Variants in GNAQ observed in about 807,000 individuals in gnomAD.
GNAQ encodes the protein G protein subunit alpha q.
A neutral mutation model predicts 43.9 loss-of-function variants in GNAQ; 8 were observed. The observed-to-expected ratio is 0.18, with a 90% CI of 0.11 to 0.33. The LOEUF (loss-of-function observed/expected upper bound fraction) is 0.33. GNAQ is among the 10% of genes least tolerant of loss of function. GNAQ has a pLI of 1.00. For synonymous variants in GNAQ, 155 were observed against 170.7 expected (o/e 0.91, Z 0.71); for missense variants, 158 against 450.8 (o/e 0.35, Z 5.88).
At chr9:77,804,697 T>C (rs959613766) in intron 3 of GNAQ, among the ~76,000 whole-genome samples, 1 of 152,026 alleles carries the variant, frequency 6.6e-6, no homozygotes, top group Non-Finnish European at 1.5e-5. Context: ...ACACGGGGTG[T>C]GTGTTGGAGG....
At chr9:77,788,205 G>C (rs1244670421) in intron 5 of GNAQ, among the ~76,000 whole-genome samples, 1 of 152,144 alleles carries the variant, frequency 6.6e-6, no homozygotes, top group Non-Finnish European at 1.5e-5. Flanking sequence ...TTAGGGGTTG[G>C]GGTGAGAGGG....
intron 1 of GNAQ, among the ~76,000 whole-genome samples, chr9:78,018,744 T>C (rs1481303786): frequency 6.6e-6 from 1 of 152,128 alleles, no homozygotes; most frequent in Non-Finnish European, 1.5e-5. Context: ...TCTTATTTCA[T>C]TCCAAAAAGA....
chr9:77,890,814 C>T (rs1828393529), intron 2 of GNAQ, among the ~76,000 whole-genome samples: 1 of 152,098 alleles, frequency 6.6e-6, no homozygotes, highest in South Asian at 2.1e-4. Context: ...AATCATTTGC[C>T]CAGAGACTCG....
Position 77,809,618 on chromosome 9 carries a change from A to G in GNAQ, c.476+5998T>C, listed in dbSNP as rs79367735. On this transcript the variant is annotated intron_variant, in intron 3 of 6. Transcript: ENST00000286548. ...ATCTTAGAATGCTTTTTATTCTTTC[A>G]TTAAATAGAATTGGAAGAATTCACC... 5.4e-4 allele frequency among the ~76,000 whole-genome samples: 82 copies of G among 152,326 alleles called. No individual in the cohort carries two copies. The East Asian group carries it at 0.015, about 28-fold the overall frequency.
chr9:77,764,413 C>G (rs944834866), intron 5 of GNAQ, among the ~76,000 whole-genome samples: 1 of 151,924 alleles, frequency 6.6e-6, no homozygotes, highest in African/African-American at 2.4e-5. Context: ...GTGGATAAAG[C>G]TATACTAAGC....
intron 5 of GNAQ, among the ~76,000 whole-genome samples, chr9:77,765,018 G>C (rs1010008581): frequency 2.0e-5 from 3 of 152,044 alleles, no homozygotes; most frequent in Admixed American, 2.0e-4. Context: ...AAATCCTGTC[G>C]GGATAACCTG....
intron 2 of GNAQ, among the ~76,000 whole-genome samples, chr9:77,913,543 G>C (rs1339315702): frequency 6.6e-6 from 1 of 152,158 alleles, no homozygotes; most frequent in Non-Finnish European, 1.5e-5. Context: ...AGAAAGTTCT[G>C]TGAGGCACTG....
intron 2 of GNAQ, among the ~76,000 whole-genome samples, chr9:77,833,228 A>G (rs1827330025): frequency 6.6e-6 from 1 of 152,316 alleles, no homozygotes; most frequent in East Asian, 1.9e-4. Flanking sequence ...TCAGCCTCCC[A>G]AAGTGCTGGG....
chr9:77,856,171 T>C (rs963292249), intron 2 of GNAQ, among the ~76,000 whole-genome samples: 5 of 152,120 alleles, frequency 3.3e-5, no homozygotes, highest in African/African-American at 4.8e-5. Context: ...CTGATGGGGG[T>C]ACAGGCTGAT....
At chr9:77,910,102 T>C (rs751218484) in intron 2 of GNAQ, among the ~76,000 whole-genome samples, 40 of 152,176 alleles carry the variant, frequency 2.6e-4, no homozygotes, top group South Asian at 6.2e-4. Context: ...AGCAACAAGT[T>C]TTTAGGTTTT....
chr9:77,763,920 T>C (rs2118349012), intron 5 of GNAQ, among the ~76,000 whole-genome samples: 1 of 152,328 alleles, frequency 6.6e-6, no homozygotes, highest in African/African-American at 2.4e-5. Flanking sequence ...CGGCAATACA[T>C]GGCTACAAAA....
intron 2 of GNAQ, among the ~76,000 whole-genome samples, chr9:77,917,423 CCTG>C (rs1828927735): frequency 6.6e-6 from 1 of 151,944 alleles, no homozygotes; most frequent in African/African-American, 2.4e-5. Flanking sequence ...AGGCTTAGTA[CCTG>C]AGTGACAAAA....
At chr9:77,865,778 G>C (rs1202996566) in intron 2 of GNAQ, among the ~76,000 whole-genome samples, 1 of 152,154 alleles carries the variant, frequency 6.6e-6, no homozygotes, top group Non-Finnish European at 1.5e-5. Flanking sequence ...TCCATCTCTC[G>C]TGTTGTATGA....
intron 5 of GNAQ, among the ~76,000 whole-genome samples, chr9:77,785,216 G>A (rs186284119): frequency 0.029 from 4,356 of 150,154 alleles, 71 homozygotes; most frequent in Middle Eastern, 0.051. Flanking sequence ...CACAGAAGAG[G>A]AGAAGGTGGA....
chr9:77,838,493 T>C (rs1827430365), intron 2 of GNAQ, among the ~76,000 whole-genome samples: 1 of 152,066 alleles, frequency 6.6e-6, no homozygotes, highest in Non-Finnish European at 1.5e-5. Flanking sequence ...TTTTGTGTTA[T>C]GAAATCTGTG....
At chr9:77,814,690 A>G (rs1826984076) in intron 3 of GNAQ, among the ~76,000 whole-genome samples, 2 of 152,110 alleles carry the variant, frequency 1.3e-5, no homozygotes, top group African/African-American at 4.8e-5. Flanking sequence ...AGGGCCTCTT[A>G]TTTTCCCCAA....
At chr9:77,962,160 G>A (rs1367415916) in intron 1 of GNAQ, among the ~76,000 whole-genome samples, 2 of 152,064 alleles carry the variant, frequency 1.3e-5, no homozygotes, top group Non-Finnish European at 1.5e-5. Flanking sequence ...AGAAAAAAAC[G>A]AGCAGTCTCA....
intron 2 of GNAQ, among the ~76,000 whole-genome samples, chr9:77,902,683 A>C (rs887918563): frequency 2.0e-5 from 3 of 152,350 alleles, no homozygotes; most frequent in South Asian, 2.1e-4. Context: ...GGGTTTACAA[A>C]ACCTAACCCA....
intron 1 of GNAQ, among the ~76,000 whole-genome samples, chr9:77,993,885 AATG>A (rs1214966179): frequency 1.3e-5 from 2 of 152,224 alleles, no homozygotes; most frequent in Admixed American, 1.3e-4. Context: ...TAGGTAATAA[AATG>A]ATGTTTTAAC....
Sources: gnomAD v4.1 joint callset for allele counts (sites outside exome capture counted in the v4.1 genomes callset) on GRCh38, gnomAD v4.1.1 for gene constraint, MANE v1.5 for transcripts, NCBI Gene and HGNC (gene_info 2026-07-23, HGNC 2026-07-21) for gene names.